The following LARP1 variants were observed in gnomAD, a reference collection of about 807,000 sequenced individuals.
LARP1 encodes the protein La ribonucleoprotein 1, translational regulator.
LARP1 carries 36 observed loss-of-function variants against 122.7 expected under a neutral mutation model. The observed-to-expected ratio is 0.29, with a 90% CI of 0.22 to 0.39. The LOEUF is 0.39. LARP1 is among the 10% of genes least tolerant of loss of function. The pLI is 1.00. For synonymous variants in LARP1, 539 were observed against 528.7 expected (o/e 1.02, Z -0.27); for missense variants, 1,040 against 1,403.6 (o/e 0.74, Z 4.14).
At position 154,813,944 on chromosome 5, in the gene LARP1, G is replaced by T; in HGVS notation, c.3139G>T (p.Gly1047Cys). 6.2e-7 allele frequency: 1 copy of T among 1,614,076 alleles called. No individual in the cohort carries two copies. Among genetic ancestry groups the T allele is most frequent in the Non-Finnish European group, 8.5e-7 (1 of 1,179,988 alleles). The change falls in exon 19 of 19, where the codon GGC becomes TGC. Residue 1047 changes from glycine (G) to cysteine (C), a missense_variant. Transcript: ENST00000518297. ...ACACTCAGTGGTAGCAGGAGGTGGC[G>T]GCGGTGAGGGCAGGAAGCGGTGCCC... is the stretch of plus-strand genomic sequence containing the variant. ...KRHSVVAGGGGGEGRKRCPSQ... is the reference protein window; with the variant it reads ...KRHSVVAGGGCGEGRKRCPSQ...
chr5:154,722,949 G>A (rs1271214485), intron 1 of LARP1, among the ~76,000 whole-genome samples: 1 of 152,172 alleles, frequency 6.6e-6, no homozygotes, highest in African/African-American at 2.4e-5. Flanking sequence ...CCAGAGTGCT[G>A]GGATTACAGG....
intron 1 of LARP1, among the ~76,000 whole-genome samples, chr5:154,789,381 A>G (rs1025492271): frequency 6.6e-6 from 1 of 151,506 alleles, no homozygotes; most frequent in Non-Finnish European, 1.5e-5. Context: ...CACCACGCCC[A>G]GCTAATTTGT....
intron 7 of LARP1, among the ~76,000 whole-genome samples, 194 bp from the exon 8 acceptor site, chr5:154,794,981 C>G (rs1757631145): frequency 6.6e-6 from 1 of 152,076 alleles, no homozygotes. Flanking sequence ...GTGATTTGAC[C>G]CAAGCAAGGT....
At chr5:154,754,161 TTAAC>T (rs1174083848), upstream of LARP1, among the ~76,000 whole-genome samples, 4 of 152,248 alleles carry the variant, frequency 2.6e-5, no homozygotes, top group South Asian at 2.1e-4. Flanking sequence ...TTACCACAGT[TTAAC>T]TATTGTCTTC....
chr5:154,704,625 C>T lies in LARP1; in HGVS notation c.-180+21588C>T, dbSNP rs565503286. Among the ~76,000 whole-genome samples the T allele has an allele frequency of 5.8e-4, 76 of 131,766 alleles. 1 individual carries two copies. Among genetic ancestry groups the T allele is most frequent in the Non-Finnish European group, 1.2e-4 (8 of 64,550 alleles). 86.4% of individuals were successfully genotyped at this position (131,766 alleles called of 152,430 possible). ...TCGTGCCATTGCACTCCAGCTTGGG[C>T]GACAGGAATGAAACCCTGTCTCAAA... On this transcript the variant is annotated intron_variant, in intron 1 of 18. Transcript: ENST00000687700.
chr5:154,767,758 A>G (rs553162403), intron 1 of LARP1, among the ~76,000 whole-genome samples: 3 of 152,244 alleles, frequency 2.0e-5, no homozygotes, highest in African/African-American at 4.8e-5. Context: ...CTGCGTGTGT[A>G]TTAACAGTGG....
chr5:154,700,152 AAAT>A (rs1754646899), intron 1 of LARP1, among the ~76,000 whole-genome samples: 1 of 152,206 alleles, frequency 6.6e-6, no homozygotes, highest in Non-Finnish European at 1.5e-5. Flanking sequence ...TGCAGTAATC[AAAT>A]AATATTTTAA....
rs575322976 is a variant in LARP1 at position 154,813,904 on chromosome 5, G to A, written c.3099G>A (p.Glu1033=). The change falls in exon 19 of 19, where the codon GAG becomes GAA. Residue 1033 remains glutamate (E), a synonymous_variant. Coordinates refer to ENST00000518297, the MANE Select transcript of LARP1 (RefSeq NM_033551.3). ...TGTTGCAGCCCCCCATGGGTGAGGA[G>A]GGCAACCACAAGCGACACTCAGTGG... ...DFRVDPPMGE[E]GNHKRHSVVA... 2.4e-4 allele frequency: 390 copies of A among 1,613,962 alleles called. 5 individuals are homozygous for A. In the South Asian group the frequency reaches 4.1e-3, roughly 17 times the overall value.
rs764002008 is a variant in LARP1 at position 154,790,737 on chromosome 5, G to GTT, written c.564+29_564+30dup. On this transcript the variant is annotated intron_variant, in intron 3 of 18. Transcript: ENST00000518297. Reference sequence around the variant, plus strand: ...TGAGTCTGTGTGGAAGAATAGGCAGGTTTGAAGTCTCTTGACATACACACA... The same window carrying GTT: ...TGAGTCTGTGTGGAAGAATAGGCAGGTTTTTGAAGTCTCTTGACATACACACA... 3.6e-5 allele frequency: 58 copies of GTT among 1,606,174 alleles called. No individual in the cohort carries two copies. In the East Asian group the frequency reaches 1.3e-3, roughly 35 times the overall value.
chr5:154,791,139 T>G (rs1054364288), intron 3 of LARP1, among the ~76,000 whole-genome samples: 9 of 148,816 alleles, frequency 6.0e-5, no homozygotes, highest in Non-Finnish European at 3.0e-5. Context: ...TTGTTGTTTT[T>G]TTTTTTTTTT....
intron 1 of LARP1, among the ~76,000 whole-genome samples, chr5:154,699,019 G>T: frequency 6.6e-6 from 1 of 152,184 alleles, no homozygotes; most frequent in Non-Finnish European, 1.5e-5. Flanking sequence ...ACAAGCTGTG[G>T]GATTGCAGAG....
chr5:154,790,815 ATTCTTTC>A (rs1554087808), intron 3 of LARP1, 105 bp downstream of exon 3: 1 of 1,054,366 alleles, frequency 9.5e-7, no homozygotes, highest in Non-Finnish European at 1.4e-6. Flanking sequence ...CTCAGTTTTC[ATTCTTTC>A]TTTTTTTTCC....
rs573210335 is a variant in LARP1 at position 154,690,379 on chromosome 5, T to C, written c.-180+7342T>C. ...ACCCTACTGACTCCCGGGCTAATAA[T>C]AATAACTGGCCTTTGTCGTGCGGCA... On this transcript the variant is annotated intron_variant, in intron 1 of 18. Transcript: ENST00000687700. Among the ~76,000 whole-genome samples, 59 of 152,284 alleles carry C rather than the reference T, an allele frequency of 3.9e-4. 1 individual carries two copies. Among genetic ancestry groups the C allele is most frequent in the Middle Eastern group, 6.8e-3 (2 of 294 alleles).
intron 2 of LARP1, 120 bp from the exon 3 acceptor site, chr5:154,790,525 G>T (rs970278919): frequency 2.1e-5 from 27 of 1,301,190 alleles, no homozygotes; most frequent in Non-Finnish European, 2.9e-5. Context: ...GGTATCCAGT[G>T]TGAATGGTCC....
chr5:154,795,391 G>A, intron 8 of LARP1, 72 bp downstream of exon 8: 1 of 1,507,062 alleles, frequency 6.6e-7, no homozygotes. Flanking sequence ...TTGGGCCAAG[G>A]CAGAAAGCCC....
intron 1 of LARP1, among the ~76,000 whole-genome samples, chr5:154,695,205 C>T (rs1754413015): frequency 6.6e-6 from 1 of 151,736 alleles, no homozygotes; most frequent in Admixed American, 6.6e-5. Context: ...GTCCCAGCTA[C>T]TCGGGAGGCT....
rs946835367 is a variant in LARP1 at position 154,799,893 on chromosome 5, C to T, written c.1567C>T (p.Arg523Cys). ...TTTAGAGTCGGCACCTGGCTCTCCTCGTGCAGTCACCCCAGTGCCAACCAA... is the reference window on the plus strand; with the variant it reads ...TTTAGAGTCGGCACCTGGCTCTCCTTGTGCAGTCACCCCAGTGCCAACCAA... ...KETESAPGSP[R>C]AVTPVPTKTE... The change falls in exon 10 of 19, where the codon CGT becomes TGT. Residue 523 changes from arginine to cysteine, a missense_variant. This residue lies in a region of LARP1 where 362 missense variants were observed against 533.1 expected (regional missense o/e 0.68). Transcript: ENST00000518297. The T allele has an allele frequency of 9.9e-6, 16 of 1,613,886 alleles. No individual in the cohort carries two copies. The highest frequency in any genetic ancestry group is 4.4e-5 in the South Asian group (4 of 91,068).
chr5:154,769,070 C>G (rs1755190076), intron 1 of LARP1, among the ~76,000 whole-genome samples: 1 of 152,168 alleles, frequency 6.6e-6, no homozygotes, highest in African/African-American at 2.4e-5. Flanking sequence ...AACTCCTGAC[C>G]TCAGGTGATT....
chr5:154,804,845 T>G (rs1222264546), intron 14 of LARP1: 5 of 456,130 alleles, frequency 1.1e-5, no homozygotes, highest in South Asian at 6.2e-5. Flanking sequence ...TGACCAATGC[T>G]CTCTACTCCC....
Sources: allele counts gnomAD v4.1 joint callset (sites outside exome capture counted in the v4.1 genomes callset), GRCh38; gene constraint gnomAD v4.1.1; regional missense constraint gnomAD v4.1.1; transcripts MANE v1.5; gene names NCBI Gene and HGNC (gene_info 2026-07-23, HGNC 2026-07-21).